The following ASTN2 variants were observed in gnomAD, a reference collection of about 807,000 sequenced individuals.
ASTN2 encodes the protein astrotactin-2.
Under a neutral mutation model 139.8 loss-of-function variants are expected in ASTN2, and 54 were observed. The ratio of observed to expected loss-of-function variants is 0.39; its 90% CI spans 0.31 to 0.48. The LOEUF is 0.48. ASTN2 is among the 20% of genes least tolerant of loss of function. The pLI is 0.95. For synonymous variants in ASTN2, 756 were observed against 719.5 expected (o/e 1.05, Z -0.81); for missense variants, 1,565 against 1,725.1 (o/e 0.91, Z 1.64).
Position 117,007,040 on chromosome 9 carries a change from C to T in ASTN2, c.1591+1052G>A, listed in dbSNP as rs146639885. On this transcript the variant is annotated intron_variant, in intron 7 of 22. Transcript: ENST00000313400. ...GCTGAGGCAGGAGAATCACTTGAAC[C>T]TGGGAGGCGGAGGTTGCAGTGAGTC... Among the ~76,000 whole-genome samples, 1,423 of 152,272 alleles carry T rather than the reference C, an allele frequency of 9.3e-3. 5 individuals carry two copies. The highest frequency in any genetic ancestry group is 0.016 in the Non-Finnish European group (1,055 of 68,020).
At chr9:116,845,167 T>A (rs1049288370) in intron 11 of ASTN2, among the ~76,000 whole-genome samples, 3 of 152,100 alleles carry the variant, frequency 2.0e-5, no homozygotes, top group Non-Finnish European at 4.4e-5. Flanking sequence ...CAGGCTGGAG[T>A]GTGGTGGTGC....
At position 117,060,488 on chromosome 9, in the gene ASTN2, T is replaced by TGAAAGAAA. The variant is rs1206035737; in HGVS notation, c.1277-20531_1277-20524dup. On this transcript the variant is annotated intron_variant, in intron 5 of 22. Coordinates refer to ENST00000313400, the MANE Select transcript of ASTN2 (RefSeq NM_001365068.1). ...AGGAAGGAAGGAAGGAAGGAAGGAATGAAAGAAAGAAAGAAAGAAAGAAAG... is the reference window on the plus strand; with the variant it reads ...AGGAAGGAAGGAAGGAAGGAAGGAATGAAAGAAAGAAAGAAAGAAAGAAAGAAAGAAAG... 4.9e-3 allele frequency among the ~76,000 whole-genome samples: 145 copies of TGAAAGAAA among 29,770 alleles called. 20 individuals carry two copies. The highest frequency in any genetic ancestry group is 0.021 in the African/African-American group (136 of 6,438). The allele number at this position is 29,770 out of a possible 152,430, so 19.5% of individuals were successfully genotyped here. A position where few individuals can be genotyped will look rare whatever the true frequency, so the allele number is the denominator to read the frequency against.
At chr9:117,204,629 G>A (rs887140381) in intron 3 of ASTN2, among the ~76,000 whole-genome samples, 1 of 152,122 alleles carries the variant, frequency 6.6e-6, no homozygotes, top group Non-Finnish European at 1.5e-5. Flanking sequence ...CATTTGGGTT[G>A]GGTTGAGGAA....
At chr9:117,383,873 C>T (rs944660242) in intron 1 of ASTN2, among the ~76,000 whole-genome samples, 14 of 152,166 alleles carry the variant, frequency 9.2e-5, no homozygotes, top group African/African-American at 2.9e-4. Context: ...CTATCAATTC[C>T]AGCTGCTCAG....
intron 6 of ASTN2, among the ~76,000 whole-genome samples, chr9:117,008,506 CA>C (rs1395587673): frequency 2.0e-5 from 3 of 152,078 alleles, no homozygotes; most frequent in Admixed American, 1.3e-4. Context: ...GAAGTAGGGT[CA>C]AATTCAGAAT....
chr9:117,353,856 C>G (rs1186879061), intron 1 of ASTN2, among the ~76,000 whole-genome samples: 1 of 152,106 alleles, frequency 6.6e-6, no homozygotes, highest in African/African-American at 2.4e-5. Flanking sequence ...AAAAGAAAAC[C>G]ATGAAGACAG....
intron 10 of ASTN2, among the ~76,000 whole-genome samples, chr9:116,900,872 C>T (rs905638722): frequency 2.0e-5 from 3 of 152,162 alleles, no homozygotes; most frequent in South Asian, 2.1e-4. Context: ...TGCTTCTCTA[C>T]GGGCTTTATT....
chr9:116,997,579 T>C (rs763423967), intron 7 of ASTN2, among the ~76,000 whole-genome samples: 6 of 152,176 alleles, frequency 3.9e-5, no homozygotes, highest in Admixed American at 6.5e-5. Flanking sequence ...AATCCCAGAA[T>C]GCCTCTCTTT....
intron 19 of ASTN2, among the ~76,000 whole-genome samples, chr9:116,538,830 C>T (rs1851756413): frequency 6.7e-6 from 1 of 150,042 alleles, no homozygotes; most frequent in Admixed American, 6.6e-5. Context: ...TAGATAAGTA[C>T]AATCCTTAAC....
intron 13 of ASTN2, among the ~76,000 whole-genome samples, chr9:116,757,099 C>T (rs1259160117): frequency 2.6e-5 from 4 of 152,146 alleles, no homozygotes; most frequent in Admixed American, 6.5e-5. Flanking sequence ...GGACTCCTTT[C>T]CTCAGGGCAG....
Position 116,549,116 on chromosome 9 carries a change from A to T in ASTN2, c.3356-61616T>A, listed in dbSNP as rs940566013. On this transcript the variant is annotated intron_variant, in intron 19 of 22. Coordinates refer to ENST00000313400, the MANE Select transcript of ASTN2 (RefSeq NM_001365068.1). ...TAAGGGATGAGTTTAAAACCACATA[A>T]TGAGCGGCTGGTGGCCTGGTCTAGA... Among the ~76,000 whole-genome samples, 4 of 152,216 alleles carry T rather than the reference A, an allele frequency of 2.6e-5. No individual in the cohort carries two copies. The East Asian group carries it at 7.8e-4, about 30-fold the overall frequency.
At chr9:116,844,356 T>C (rs1832360096) in intron 11 of ASTN2, among the ~76,000 whole-genome samples, 1 of 152,188 alleles carries the variant, frequency 6.6e-6, no homozygotes, top group Admixed American at 6.5e-5. Context: ...AGTCCACAGC[T>C]ATTTGGGGAC....
At chr9:117,042,082 A>T (rs1838593674) in intron 5 of ASTN2, among the ~76,000 whole-genome samples, 1 of 152,128 alleles carries the variant, frequency 6.6e-6, no homozygotes, top group Admixed American at 6.6e-5. Context: ...GTGCATGATG[A>T]CTCCCATAAA....
At chr9:116,935,741 C>T (rs540225783) in intron 10 of ASTN2, among the ~76,000 whole-genome samples, 1 of 152,256 alleles carries the variant, frequency 6.6e-6, no homozygotes, top group African/African-American at 2.4e-5. Context: ...AGTGATACTG[C>T]CTGAACTTGG....
chr9:117,392,041 G>A (rs745790797), intron 1 of ASTN2, among the ~76,000 whole-genome samples: 2 of 152,130 alleles, frequency 1.3e-5, no homozygotes, highest in African/African-American at 2.4e-5. Flanking sequence ...TTCATTATAA[G>A]CACAACGGGA....
intron 5 of ASTN2, among the ~76,000 whole-genome samples, chr9:117,044,095 C>G (rs944243857): frequency 6.6e-6 from 1 of 152,076 alleles, no homozygotes; most frequent in African/African-American, 2.4e-5. Flanking sequence ...AGATTTGGCA[C>G]ATAGTAGGCC....
intron 19 of ASTN2, among the ~76,000 whole-genome samples, chr9:116,513,172 A>G (rs1459830414): frequency 6.6e-6 from 1 of 152,116 alleles, no homozygotes; most frequent in Non-Finnish European, 1.5e-5. Flanking sequence ...TTCTTCTTTC[A>G]GGAGCTCTTG....
intron 5 of ASTN2, among the ~76,000 whole-genome samples, chr9:117,043,310 G>T (rs1358125148): frequency 6.6e-6 from 1 of 152,174 alleles, no homozygotes; most frequent in Non-Finnish European, 1.5e-5. Flanking sequence ...GAGGCCCCTG[G>T]CATTGGGAAA....
Position 116,889,714 on chromosome 9 carries a change from T to C in ASTN2, c.1890-25981A>G, listed in dbSNP as rs571299648. Reference sequence around the variant, plus strand: ...CAGCCTGGGCAACATAGCAAGACCTTGTCTCTACACACACACACACACACA... The same window carrying C: ...CAGCCTGGGCAACATAGCAAGACCTCGTCTCTACACACACACACACACACA... On this transcript the variant is annotated intron_variant, in intron 10 of 22. Transcript: ENST00000313400. Among the ~76,000 whole-genome samples the C allele has an allele frequency of 2.8e-5, 4 of 142,874 alleles. No individual in the cohort carries two copies. The East Asian group carries it at 6.3e-4, about 23-fold the overall frequency. The allele number at this position is 142,874 out of a possible 152,430, so 93.7% of individuals were successfully genotyped here.
Sources: gnomAD v4.1 joint callset for allele counts (sites outside exome capture counted in the v4.1 genomes callset) on GRCh38, gnomAD v4.1.1 for gene constraint, MANE v1.5 for transcripts, NCBI Gene and HGNC (gene_info 2026-07-23, HGNC 2026-07-21) for gene names.